Variants in GNB5 observed in about 807,000 individuals in gnomAD.
GNB5 encodes the protein guanine nucleotide-binding protein subunit beta-5.
In GNB5, 37 loss-of-function variants were observed where a neutral mutation model predicts 55.3. The ratio of observed to expected loss-of-function variants is 0.67; its 90% CI spans 0.51 to 0.88. The LOEUF is 0.88. GNB5 is among the 40% of genes least tolerant of loss of function. GNB5 has a pLI of 0.00. For missense variants in GNB5, 476 were observed against 515.3 expected, an observed-to-expected ratio of 0.92 and a Z score of 0.74; for synonymous variants, 219 against 198.5, an observed-to-expected ratio of 1.10 and a Z score of -0.87.
At chr15:52,159,924 G>A (rs1015686837) in intron 3 of GNB5, among the ~76,000 whole-genome samples, 1 of 151,984 alleles carries the variant, frequency 6.6e-6, no homozygotes, top group Admixed American at 6.6e-5. Context: ...GAGTTGGGGT[G>A]GAAAAGGGTA....
intron 12 of GNB5, 149 bp from the exon 13 acceptor site, chr15:52,122,917 C>T: frequency 1.5e-6 from 1 of 675,118 alleles, no homozygotes; most frequent in South Asian, 1.7e-5. Context: ...AACATACACA[C>T]TCCATCCAAA....
intron 1 of GNB5, among the ~76,000 whole-genome samples, chr15:52,187,218 C>T (rs1465987912): frequency 6.6e-6 from 1 of 152,156 alleles, no homozygotes; most frequent in Non-Finnish European, 1.5e-5. Flanking sequence ...TCCCACTCCC[C>T]AGCCCTGTAA....
chr15:52,125,914 A>G (rs767479546), intron 11 of GNB5, 34 bp downstream of exon 11: 1 of 857,458 alleles, frequency 1.2e-6, no homozygotes, highest in African/African-American at 1.7e-5. Flanking sequence ...CCTGTCTTAC[A>G]GTCCTGGGAA....
rs115160701 is a variant in GNB5, at chr15:52,157,747, T to C, written c.239-3671A>G. On this transcript the variant is annotated intron_variant, in intron 3 of 12. Coordinates refer to ENST00000261837, the MANE Select transcript of GNB5 (RefSeq NM_016194.4). ...AGGGCCCTCCTTACATAATGTGAAT[T>C]TGAATAGATCCCAACTATTAATTAT... Among the ~76,000 whole-genome samples, 191 of 152,280 alleles carry C rather than the reference T, an allele frequency of 1.3e-3. 1 individual carries two copies. The highest frequency in any genetic ancestry group is 4.1e-3 in the African/African-American group (171 of 41,538).
chr15:52,117,102 A>ATATATATATATATATTTTTTTTTTTTTTT lies in GNB5; in HGVS notation c.*5654_*5655insAAAAAAAAAAAAAAATATATATATATATA. 2.2e-4 allele frequency: 19 copies of ATATATATATATATATTTTTTTTTTTTTTT among 87,090 alleles called. 1 individual carries two copies. Among genetic ancestry groups the ATATATATATATATATTTTTTTTTTTTTTT allele is most frequent in the African/African-American group, 1.2e-3 (19 of 16,436 alleles). The allele number at this position is 87,090 out of a possible 1,614,324, so 5.4% of individuals were successfully genotyped here. On this transcript the variant is annotated 3_prime_UTR_variant, in exon 13 of 13. Transcript: ENST00000261837. ...CCACGCCCAGCTAATATATATATAT[A>ATATATATATATATATTTTTTTTTTTTTTT]TTTTTTTTTAGTACAGACAGGGTTT... is the stretch of plus-strand genomic sequence containing the variant.
At position 52,119,811 on chromosome 15, in the gene GNB5, C is replaced by T. The variant is rs62014717; in HGVS notation, c.*2946G>A. 1,767 of 152,286 alleles carry T rather than the reference C, an allele frequency of 0.012. 20 individuals carry two copies. The highest frequency in any genetic ancestry group is 0.014 in the Non-Finnish European group (942 of 68,058). The allele number at this position is 152,286 out of a possible 1,614,324, so 9.4% of individuals were successfully genotyped here. A position where few individuals can be genotyped will look rare whatever the true frequency, so the allele number is the denominator to read the frequency against. On this transcript the variant is annotated 3_prime_UTR_variant, in exon 13 of 13. Transcript: ENST00000261837. The stretch of plus-strand genomic sequence containing the variant: ...CTAACTCACAGAGGAGTCCCAGTAT[C>T]GGTGGTGCCACCTTTCAGCCAGCTG...
chr15:52,137,775 C>T lies in GNB5; in HGVS notation c.628-2019G>A, dbSNP rs1243632341. 3.3e-6 allele frequency: 4 copies of T among 1,226,812 alleles called. No individual in the cohort carries two copies. The East Asian group carries it at 2.3e-4, about 71-fold the overall frequency. The allele number at this position is 1,226,812 out of a possible 1,614,324, so 76.0% of individuals were successfully genotyped here. Reference sequence around the variant, plus strand: ...AGGCCCAGCTGGCGGCATCACAGAGCCCTGGAGCCAGCTGGGTACTGACAG... The same window carrying T: ...AGGCCCAGCTGGCGGCATCACAGAGTCCTGGAGCCAGCTGGGTACTGACAG... On this transcript the variant is annotated intron_variant, in intron 7 of 12. Coordinates refer to ENST00000261837, the MANE Select transcript of GNB5 (RefSeq NM_016194.4).
chr15:52,149,966 C>A (rs557587226), intron 4 of GNB5, 41 bp from the exon 5 acceptor site: 52 of 1,468,490 alleles, frequency 3.5e-5, no homozygotes, highest in Non-Finnish European at 5.0e-5. Flanking sequence ...TTGTCAAGTT[C>A]TTACAGATTA....
intron 3 of GNB5, among the ~76,000 whole-genome samples, chr15:52,164,847 G>A (rs2034418345): frequency 6.6e-6 from 1 of 152,124 alleles, no homozygotes; most frequent in Admixed American, 6.5e-5. Context: ...GCACAGAACT[G>A]GGTTGAGGCT....
intron 3 of GNB5, among the ~76,000 whole-genome samples, chr15:52,164,336 A>AAAG (rs2034405863): frequency 1.0e-5 from 1 of 97,026 alleles, no homozygotes; most frequent in African/African-American, 3.4e-5. Flanking sequence ...AAAAAAAAAA[A>AAAG]TGCTGGGTGT....
In GNB5 at chr15:52,115,545, A is replaced by C. The variant is rs1409672803; in HGVS notation, c.*7212T>G. On this transcript the variant is annotated 3_prime_UTR_variant, in exon 13 of 13. Coordinates refer to ENST00000261837, the MANE Select transcript of GNB5 (RefSeq NM_016194.4). ...CACTCCACAGAAACTTTTATTTGTAAATGGTAAATCCTCTGGCAACGGTGA... is the reference window on the plus strand; with the variant it reads ...CACTCCACAGAAACTTTTATTTGTACATGGTAAATCCTCTGGCAACGGTGA... 1.3e-5 allele frequency: 2 copies of C among 152,228 alleles called. No individual in the cohort carries two copies. Among genetic ancestry groups the C allele is most frequent in the Non-Finnish European group, 2.9e-5 (2 of 68,044 alleles). 9.4% of individuals were successfully genotyped at this position (152,228 alleles called of 1,614,324 possible). A position where few individuals can be genotyped will look rare whatever the true frequency, so the allele number is the denominator to read the frequency against.
chr15:52,147,393 T>C lies in GNB5; in HGVS notation c.494+66A>G. 3.3e-6 allele frequency: 3 copies of C among 905,808 alleles called. No homozygotes were observed. In the South Asian group the frequency reaches 3.9e-5, roughly 12 times the overall value. 56.1% of individuals were successfully genotyped at this position (905,808 alleles called of 1,614,324 possible). On this transcript the variant is annotated intron_variant, in intron 6 of 12. Coordinates refer to ENST00000261837, the MANE Select transcript of GNB5 (RefSeq NM_016194.4). ...AACTGTGAGTTCTTGTTTGTTTGTT[T>C]TTGCCAAGAGAACAGTATTCTATGG...
intron 7 of GNB5, among the ~76,000 whole-genome samples, chr15:52,136,252 C>T (rs2033719647): frequency 6.6e-6 from 1 of 151,848 alleles, no homozygotes; most frequent in Non-Finnish European, 1.5e-5. Flanking sequence ...CCTACCCTCA[C>T]AGTCCTTGAG....
At chr15:52,179,956 C>A in intron 2 of GNB5, 77 bp from the exon 3 acceptor site, 1 of 1,415,754 alleles carries the variant, frequency 7.1e-7, no homozygotes, top group South Asian at 1.4e-5. Context: ...GCTCCAGCAG[C>A]CGTCCCCGGC....
At chr15:52,169,368 C>T (rs2034511157) in intron 3 of GNB5, among the ~76,000 whole-genome samples, 1 of 150,610 alleles carries the variant, frequency 6.6e-6, no homozygotes, top group Admixed American at 6.6e-5. Context: ...GAAACCCCGT[C>T]TCTACTAAAA....
intron 3 of GNB5, among the ~76,000 whole-genome samples, chr15:52,175,063 ACT>A (rs1256957669): frequency 2.6e-5 from 4 of 152,050 alleles, no homozygotes; most frequent in African/African-American, 7.2e-5. Context: ...ACAGAGCAAG[ACT>A]CTGTCTCAAA....
At chr15:52,171,333 A>G (rs2034551508) in intron 3 of GNB5, among the ~76,000 whole-genome samples, 1 of 152,208 alleles carries the variant, frequency 6.6e-6, no homozygotes, top group Non-Finnish European at 1.5e-5. Flanking sequence ...AGTCCCTAGT[A>G]AGCTTATAAA....
At chr15:52,175,609 C>T (rs2034634462) in intron 3 of GNB5, among the ~76,000 whole-genome samples, 1 of 152,094 alleles carries the variant, frequency 6.6e-6, no homozygotes, top group Non-Finnish European at 1.5e-5. Flanking sequence ...CATGGTGGCA[C>T]ATGCCTGTAG....
At chr15:52,126,273 G>A (rs892081315) in intron 10 of GNB5, among the ~76,000 whole-genome samples, 4 of 152,110 alleles carry the variant, frequency 2.6e-5, no homozygotes, top group African/African-American at 9.7e-5. Context: ...GTAAAGAAAC[G>A]GCAAATACAG....
Sources: allele counts gnomAD v4.1 joint callset (sites outside exome capture counted in the v4.1 genomes callset), GRCh38; gene constraint gnomAD v4.1.1; transcripts MANE v1.5; gene names NCBI Gene and HGNC (gene_info 2026-07-23, HGNC 2026-07-21).